The following BCAN variants were observed in gnomAD, a reference collection of about 807,000 sequenced individuals.
The protein encoded by BCAN is brevican, also known as brevican core protein.
Under a neutral mutation model 92.4 loss-of-function variants are expected in BCAN, and 51 were observed. That is an observed-to-expected ratio of 0.55 (90% confidence interval 0.44 to 0.70). The LOEUF (loss-of-function observed/expected upper bound fraction) is 0.70. Among genes scored for constraint, BCAN ranks in the 30% least tolerant of loss-of-function variants. The probability of loss-of-function intolerance (pLI) is 0.00; values close to 1 mark genes in which losing one functional copy is unlikely to be tolerated. For missense variants in BCAN, 1,140 were observed against 1,212.1 expected, an observed-to-expected ratio of 0.94 and a Z score of 0.88; for synonymous variants, 501 against 505.2, an observed-to-expected ratio of 0.99 and a Z score of 0.11.
intron 1 of BCAN, among the ~76,000 whole-genome samples, chr1:156,645,765 G>C (rs1049824273): frequency 6.6e-6 from 1 of 152,222 alleles, no homozygotes; most frequent in Non-Finnish European, 1.5e-5. Context: ...TCATGAGATA[G>C]TAATGATGAT....
intron 8 of BCAN, 171 bp downstream of exon 8, chr1:156,653,063 C>T (rs1233737237): frequency 2.7e-6 from 4 of 1,488,208 alleles, no homozygotes; most frequent in Non-Finnish European, 3.6e-6. Context: ...TCTCGGATAT[C>T]CACCTTGTGG....
rs746708156 is a variant in BCAN at position 156,646,790 on chromosome 1, C to G, written c.92-11C>G. 1 of 1,539,554 alleles carries G rather than the reference C, an allele frequency of 6.5e-7. No homozygotes were observed. The highest frequency in any genetic ancestry group is 2.3e-5 in the East Asian group (1 of 43,702). ...CAGCGTTAAGTTCCAGCCGGCTCCA[C>G]CCGTTCACAGAGGACCGCGCTTTTC... On this transcript the variant is annotated splice_polypyrimidine_tract_variant and intron_variant, in intron 2 of 13. Coordinates refer to ENST00000329117, the MANE Select transcript of BCAN (RefSeq NM_021948.5).
chr1:156,648,336 T>C (rs1679053486), intron 5 of BCAN, among the ~76,000 whole-genome samples: 1 of 152,164 alleles, frequency 6.6e-6, no homozygotes, highest in Admixed American at 6.5e-5. Flanking sequence ...ATCTACCACC[T>C]GCCAGGTGGA....
At chr1:156,651,392 G>T in intron 6 of BCAN, 64 bp from the exon 7 acceptor site, 1 of 1,401,342 alleles carries the variant, frequency 7.1e-7, no homozygotes. Flanking sequence ...CATGGTGCAA[G>T]CTGTGACCTG....
At chr1:156,655,897 C>T (rs778156124) in intron 8 of BCAN, among the ~76,000 whole-genome samples, 1 of 152,198 alleles carries the variant, frequency 6.6e-6, no homozygotes, top group Non-Finnish European at 1.5e-5. Context: ...AGGAAAATGA[C>T]CTGCCCAATA....
intron 8 of BCAN, among the ~76,000 whole-genome samples, chr1:156,654,673 C>T: frequency 6.6e-6 from 1 of 152,144 alleles, no homozygotes; most frequent in East Asian, 1.9e-4. Context: ...GAGCCTCTGT[C>T]CCCCAGGGTT....
rs1334679407 is a variant in BCAN, at chr1:156,658,174, T to C, written c.2340T>C (p.Ser780=). The change falls in exon 12 of 14, where the codon TCT becomes TCC. Residue 780 remains serine, a synonymous_variant. Coordinates refer to ENST00000329117, the MANE Select transcript of BCAN (RefSeq NM_021948.5). This position sits in a 1 kb window ranked among gnomAD's most constrained non-coding sequence, Gnocchi z 4.4. ...NPGQPDSYFL[S]GENCVVMVWH... ...GGCAGCCTGACAGCTACTTCCTGTC[T>C]GGAGAGAACTGCGTGGTCATGGTGT... The C allele has an allele frequency of 3.7e-6, 6 of 1,613,934 alleles. No homozygotes were observed. The highest frequency in any genetic ancestry group is 1.3e-5 in the African/African-American group (1 of 74,892).
In BCAN at chr1:156,659,101, G is replaced by A; in HGVS notation, c.2703G>A (p.Leu901=). The A allele has an allele frequency of 1.3e-6, 2 of 1,590,992 alleles. No homozygotes were observed. The highest frequency in any genetic ancestry group is 1.7e-6 in the Non-Finnish European group (2 of 1,170,320). Residue 901 remains leucine (L), a synonymous_variant, in exon 14 of 14, where the codon TTG becomes TTA. Transcript: ENST00000329117. ...TACTGGGACGCTGGAAGGCGCTGTT[G>A]ATCCCCCCTTCCAGCCCCATGCCAG... The part of the protein sequence containing the change: ...GRLLGRWKAL[L]IPPSSPMPGP
At chr1:156,649,849 C>T (rs914533896) in intron 6 of BCAN, 8 of 518,256 alleles carry the variant, frequency 1.5e-5, no homozygotes, top group African/African-American at 1.5e-4. Context: ...GCCTGAAATA[C>T]TGTTACAAGA....
At chr1:156,652,987 C>T (rs1217960880) in intron 8 of BCAN, 95 bp downstream of exon 8, 3 of 1,555,688 alleles carry the variant, frequency 1.9e-6, no homozygotes, top group Non-Finnish European at 1.7e-6. Context: ...TTTAACCCAC[C>T]ATCATCCCAA....
At position 156,658,383 on chromosome 1, in the gene BCAN, C is replaced by T. The variant is rs1557993396; in HGVS notation, c.2437+112C>T. Reference sequence around the variant, plus strand: ...GCAAAGCAACATAGAGGAGTCAGAACGTGTTCCAGACCATGGGAGAGCTAA... The same window carrying T: ...GCAAAGCAACATAGAGGAGTCAGAATGTGTTCCAGACCATGGGAGAGCTAA... On this transcript the variant is annotated intron_variant, in intron 12 of 13. Transcript: ENST00000329117. The surrounding 1 kb of genome is among the most constrained non-coding windows in gnomAD (Gnocchi z 4.4). 3.6e-5 allele frequency: 54 copies of T among 1,492,808 alleles called. No individual in the cohort carries two copies. Among genetic ancestry groups the T allele is most frequent in the African/African-American group, 5.5e-5 (4 of 72,354 alleles). The allele number at this position is 1,492,808 out of a possible 1,614,324, so 92.5% of individuals were successfully genotyped here.
chr1:156,658,145 C>T lies in BCAN; in HGVS notation c.2311C>T (p.Pro771Ser). 2 of 1,614,018 alleles carry T rather than the reference C, an allele frequency of 1.2e-6. No homozygotes were observed. The highest frequency in any genetic ancestry group is 2.2e-5 in the East Asian group (1 of 44,872). ...GVPLLYENWN[P>S]GQPDSYFLSG... ...CCCCCAGCTCTATGAGAACTGGAAC[C>T]CTGGGCAGCCTGACAGCTACTTCCT... is the stretch of plus-strand genomic sequence containing the variant. Residue 771 changes from proline (P) to serine (S), a missense_variant, in exon 12 of 14, where the codon CCT (proline) becomes TCT (serine). By Grantham distance (74) the Pro-to-Ser change is moderately conservative. This residue lies in a region of BCAN where 825 missense variants were observed against 871.8 expected (regional missense o/e 0.95). Coordinates refer to ENST00000329117, the MANE Select transcript of BCAN (RefSeq NM_021948.5). This position sits in a 1 kb window ranked among gnomAD's most constrained non-coding sequence, Gnocchi z 4.4.
rs1679026102 is a variant in BCAN at position 156,647,579 on chromosome 1, G to A, written c.538G>A (p.Ala180Thr). ...FSFSGAQEAC[A>T]RIGAHIATPE... is the part of the protein sequence containing the mutation. ...CTTTTCTGGGGCCCAGGAGGCCTGTGCCCGCATTGGAGCCCACATCGCCAC... is the reference window on the plus strand; with the variant it reads ...CTTTTCTGGGGCCCAGGAGGCCTGTACCCGCATTGGAGCCCACATCGCCAC... Residue 180 changes from alanine to threonine, a missense_variant, in exon 4 of 14, where the codon GCC becomes ACC. Physicochemically the swap from Ala to Thr is moderately conservative, Grantham distance 58 (BLOSUM62 0). Around this residue, in one of 3 missense-constraint regions of BCAN, gnomAD observed 286 missense variants for 284.1 expected, o/e 1.01. Coordinates refer to ENST00000329117, the MANE Select transcript of BCAN (RefSeq NM_021948.5). This position sits in a 1 kb window ranked among gnomAD's most constrained non-coding sequence, Gnocchi z 4.8. 1 of 1,612,828 alleles carries A rather than the reference G, an allele frequency of 6.2e-7. No individual in the cohort carries two copies. Among genetic ancestry groups the A allele is most frequent in the Non-Finnish European group, 8.5e-7 (1 of 1,179,556 alleles).
chr1:156,643,446 C>T (rs1349701379), intron 1 of BCAN: 1 of 152,234 alleles, frequency 6.6e-6, no homozygotes, highest in African/African-American at 2.4e-5. Context: ...TAGCAGAGAG[C>T]TTCCCTCCTG....
chr1:156,651,514 T>C lies in BCAN; in HGVS notation c.1122T>C (p.Ser374=). ...CCAACCCAGCCTCCAACCCAGCCTCTGATGGACTAGAGGCTATCGTCACAG... is the reference window on the plus strand; with the variant it reads ...CCAACCCAGCCTCCAACCCAGCCTCCGATGGACTAGAGGCTATCGTCACAG... The part of the protein sequence containing the change: ...EASNPASNPA[S]DGLEAIVTVT... Residue 374 remains serine (S), a synonymous_variant, in exon 7 of 14, where the codon TCT becomes TCC. Coordinates refer to ENST00000329117, the MANE Select transcript of BCAN (RefSeq NM_021948.5). The C allele has an allele frequency of 6.2e-7, 1 of 1,613,968 alleles. No homozygotes were observed. Among genetic ancestry groups the C allele is most frequent in the Non-Finnish European group, 8.5e-7 (1 of 1,179,990 alleles).
rs192381252 is a variant in BCAN at position 156,656,240 on chromosome 1, G to A, written c.1943-42G>A. 9.6e-5 allele frequency: 133 copies of A among 1,387,962 alleles called. 2 individuals carry two copies. The East Asian group carries it at 3.3e-3, about 34-fold the overall frequency. 86.0% of individuals were successfully genotyped at this position (1,387,962 alleles called of 1,614,324 possible). On this transcript the variant is annotated intron_variant, in intron 8 of 13. Coordinates refer to ENST00000329117, the MANE Select transcript of BCAN (RefSeq NM_021948.5). ...CTGGAGGGCTCAGGCTGCAGAGTGC[G>A]GCTGCCTCGCTCCCCCCGCCTCACT...
At chr1:156,657,784 G>A in intron 11 of BCAN, 27 bp downstream of exon 11, 3 of 1,589,390 alleles carry the variant, frequency 1.9e-6, no homozygotes, top group African/African-American at 1.4e-5. Flanking sequence ...GAACCCCGCC[G>A]TCTAGCTCAC....
chr1:156,656,496 G>A (rs746519945), intron 9 of BCAN, 107 bp downstream of exon 9: 99 of 902,004 alleles, frequency 1.1e-4, no homozygotes, highest in Non-Finnish European at 1.4e-4. Flanking sequence ...TCATTAATGA[G>A]TCCCTGTTTT....
At position 156,658,897 on chromosome 1, in the gene BCAN, C is replaced by A; in HGVS notation, c.2629-130C>A. On this transcript the variant is annotated intron_variant, in intron 13 of 13. Transcript: ENST00000329117. The surrounding 1 kb of genome is among the most constrained non-coding windows in gnomAD (Gnocchi z 4.4). ...TGGGCTGGAGGCTCTGGGGTTCCTT[C>A]AGTGCTGATGTCTGATAACATGCAG... 1 of 1,322,356 alleles carries A rather than the reference C, an allele frequency of 7.6e-7. No individual in the cohort carries two copies. Among genetic ancestry groups the A allele is most frequent in the Non-Finnish European group, 1.0e-6 (1 of 953,716 alleles). 81.9% of individuals were successfully genotyped at this position (1,322,356 alleles called of 1,614,324 possible).
Sources: allele counts gnomAD v4.1 joint callset (sites outside exome capture counted in the v4.1 genomes callset), GRCh38; gene constraint gnomAD v4.1.1; regional missense constraint gnomAD v4.1.1; non-coding constraint Gnocchi (gnomAD v3.1); transcripts MANE v1.5; gene names NCBI Gene and HGNC (gene_info 2026-07-23, HGNC 2026-07-21).